The following CLIP1 variants were observed in gnomAD, a reference collection of about 807,000 sequenced individuals.
The protein encoded by CLIP1 is CAP-Gly domain containing linker protein 1.
Under a neutral mutation model 161.6 loss-of-function variants are expected in CLIP1, and 66 were observed. The ratio of observed to expected loss-of-function variants is 0.41; its 90% CI spans 0.33 to 0.50. CLIP1 has a LOEUF of 0.50. Among genes scored for constraint, CLIP1 ranks in the 20% least tolerant of loss-of-function variants. The pLI is 0.27. For synonymous variants in CLIP1, 598 were observed against 626.2 expected, an observed-to-expected ratio of 0.96 and a Z score of 0.67; for missense variants, 1,376 against 1,702.0, an observed-to-expected ratio of 0.81 and a Z score of 3.37.
chr12:122,330,143 C>T (rs1217080600), intron 15 of CLIP1, among the ~76,000 whole-genome samples: 12 of 151,650 alleles, frequency 7.9e-5, no homozygotes, highest in Admixed American at 7.3e-4. Context: ...ACAAAAAACA[C>T]GGGATGTTGA....
At chr12:122,277,000 G>A (rs1955455823) in intron 24 of CLIP1, 1 of 157,158 alleles carries the variant, frequency 6.4e-6, no homozygotes, top group South Asian at 1.9e-4. Context: ...TGCTTTGTCA[G>A]TCAGGCCTAA....
chr12:122,414,053 C>T (rs1319329617), intron 1 of CLIP1, among the ~76,000 whole-genome samples: 3 of 152,178 alleles, frequency 2.0e-5, no homozygotes, highest in African/African-American at 7.2e-5. Flanking sequence ...GAAGAGGTCA[C>T]TCTTCCTTGA....
intron 24 of CLIP1, chr12:122,277,260 G>A (rs1400458682): frequency 6.6e-6 from 1 of 152,116 alleles, no homozygotes; most frequent in African/African-American, 2.4e-5. Context: ...ACCTGGCCCA[G>A]GCCCTTAAAA....
At chr12:122,315,695 C>A (rs1438113376) in intron 19 of CLIP1, among the ~76,000 whole-genome samples, 1 of 148,016 alleles carries the variant, frequency 6.8e-6, no homozygotes, top group Non-Finnish European at 1.5e-5. Context: ...GGCTGGAGTG[C>A]AGTGGCTCGA....
chr12:122,337,445 C>CAA (rs1163606204), intron 11 of CLIP1, among the ~76,000 whole-genome samples: 1,995 of 70,864 alleles, frequency 0.028, 46 homozygotes, highest in African/African-American at 0.095. Context: ...GACTCTGCCT[C>CAA]AAAAAAAAAA....
At position 122,279,597 on chromosome 12, in the gene CLIP1, G is replaced by T. The variant is rs1007707972; in HGVS notation, c.3648-452C>A. ...ATGTCATGCAGAGCAGCTTTATGCT[G>T]GAAATATCAATTGGTTCTCACTAAT... On this transcript the variant is annotated intron_variant, in intron 21 of 25. Coordinates refer to ENST00000620786, the MANE Select transcript of CLIP1 (RefSeq NM_001247997.2). This position sits in a 1 kb window ranked among gnomAD's most constrained non-coding sequence, Gnocchi z 4.5. 6.6e-6 allele frequency: 1 copy of T among 152,266 alleles called. No homozygotes were observed. Among genetic ancestry groups the T allele is most frequent in the African/African-American group, 2.4e-5 (1 of 41,454 alleles). 9.4% of individuals were successfully genotyped at this position (152,266 alleles called of 1,614,324 possible). A position where few individuals can be genotyped will look rare whatever the true frequency, so the allele number is the denominator to read the frequency against.
chr12:122,326,176 A>C (rs983468121), intron 17 of CLIP1, among the ~76,000 whole-genome samples: 1 of 152,258 alleles, frequency 6.6e-6, no homozygotes, highest in African/African-American at 2.4e-5. Context: ...GATACTAGAC[A>C]CGTTTGGAGG....
At chr12:122,337,180 G>A (rs1483262464) in intron 11 of CLIP1, among the ~76,000 whole-genome samples, 1 of 151,932 alleles carries the variant, frequency 6.6e-6, no homozygotes, top group African/African-American at 2.4e-5. Context: ...GGGCTCGGTG[G>A]CTAATGCCTG....
In CLIP1 at chr12:122,328,362, T is replaced by C; in HGVS notation, c.2932A>G (p.Ser978Gly). The change falls in exon 16 of 26, where the codon AGT (serine) becomes GGT (glycine). Residue 978 changes from serine to glycine, a missense_variant. Transcript: ENST00000620786. ...ANENASFLQKSIEDMTVKAEQ... is the reference protein window; with the variant it reads ...ANENASFLQKGIEDMTVKAEQ... ...GCTTTGACAGTCATGTCCTCAATAC[T>C]TTTTTGCAGAAAACTTGCATTTTCA... 6.2e-6 allele frequency: 10 copies of C among 1,612,264 alleles called. No homozygotes were observed. Among genetic ancestry groups the C allele is most frequent in the Non-Finnish European group, 8.5e-6 (10 of 1,179,416 alleles).
intron 20 of CLIP1, among the ~76,000 whole-genome samples, chr12:122,309,174 A>G (rs1303010934): frequency 6.6e-6 from 1 of 152,208 alleles, no homozygotes; most frequent in African/African-American, 2.4e-5. Flanking sequence ...TTGTAATTTA[A>G]ATATAGAAGT....
chr12:122,363,545 C>CT (rs1953981352), intron 4 of CLIP1, among the ~76,000 whole-genome samples: 1 of 151,778 alleles, frequency 6.6e-6, no homozygotes. Context: ...AAGAGGTCCG[C>CT]TTGGCGGTCT....
chr12:122,410,840 A>G (rs1461479434), intron 1 of CLIP1, among the ~76,000 whole-genome samples: 1 of 152,162 alleles, frequency 6.6e-6, no homozygotes, highest in African/African-American at 2.4e-5. Flanking sequence ...GCCAATAAGC[A>G]CATGAAAGGA....
chr12:122,322,390 C>G (rs1463562240), intron 17 of CLIP1: 2 of 152,616 alleles, frequency 1.3e-5, no homozygotes, highest in African/African-American at 4.8e-5. Flanking sequence ...CGGCCAGGGT[C>G]ACCTCATGGT....
intron 20 of CLIP1, 56 bp downstream of exon 20, chr12:122,309,706 A>C: frequency 6.2e-7 from 1 of 1,602,966 alleles, no homozygotes. Flanking sequence ...GCGTGCTGCC[A>C]ACAGCAGCAG....
chr12:122,273,221 G>A lies in CLIP1; in HGVS notation c.4092-121C>T, dbSNP rs1383579946. ...TTATGGCCAAGTCTGTGAGCTTCCA[G>A]TATAAGTAGTGCATTATCCCACATT... On this transcript the variant is annotated intron_variant, in intron 25 of 25. Coordinates refer to ENST00000620786, the MANE Select transcript of CLIP1 (RefSeq NM_001247997.2). The A allele has an allele frequency of 7.9e-5, 56 of 705,722 alleles. No individual in the cohort carries two copies. In the East Asian group the frequency reaches 1.5e-3, roughly 19 times the overall value. The allele number at this position is 705,722 out of a possible 1,614,324, so 43.7% of individuals were successfully genotyped here.
intron 3 of CLIP1, among the ~76,000 whole-genome samples, chr12:122,375,210 T>C (rs1399999642): frequency 6.6e-6 from 1 of 152,178 alleles, no homozygotes; most frequent in African/African-American, 2.4e-5. Context: ...GTAGAGCATG[T>C]AGACCTTACA....
At chr12:122,379,927 G>C (rs1954928241) in intron 2 of CLIP1, among the ~76,000 whole-genome samples, 1 of 109,922 alleles carries the variant, frequency 9.1e-6, no homozygotes, top group African/African-American at 3.4e-5. Flanking sequence ...CTGGGGAATA[G>C]AGCAAGACTC....
chr12:122,336,376 T>C (rs1952216403), intron 12 of CLIP1, among the ~76,000 whole-genome samples: 1 of 148,882 alleles, frequency 6.7e-6, no homozygotes, highest in Admixed American at 6.7e-5. Context: ...TCAATAACAT[T>C]TCAAAGCAGT....
intron 1 of CLIP1, chr12:122,400,252 G>T (rs1372131598): frequency 6.6e-6 from 1 of 151,636 alleles, no homozygotes; most frequent in Non-Finnish European, 1.5e-5. Flanking sequence ...GACTGAAAAA[G>T]ATAAATAAGA....
Sources: gnomAD v4.1 joint callset for allele counts (sites outside exome capture counted in the v4.1 genomes callset) on GRCh38, gnomAD v4.1.1 for gene constraint, Gnocchi (gnomAD v3.1) non-coding constraint, MANE v1.5 for transcripts, NCBI Gene and HGNC (gene_info 2026-07-23, HGNC 2026-07-21) for gene names.